The following TASP1 variants were observed in gnomAD, a reference collection of about 807,000 sequenced individuals.
TASP1 encodes the protein taspase 1, also known as threonine aspartase 1.
TASP1 carries 16 observed loss-of-function variants against 56.6 expected under a neutral mutation model. The ratio of observed to expected loss-of-function variants is 0.28; its 90% CI spans 0.19 to 0.43. TASP1 has a LOEUF of 0.43. Among genes scored for constraint, TASP1 ranks in the 20% least tolerant of loss-of-function variants. The pLI is 1.00. For missense variants in TASP1, 393 were observed against 511.6 expected, an observed-to-expected ratio of 0.77 and a Z score of 2.24; for synonymous variants, 179 against 184.2, an observed-to-expected ratio of 0.97 and a Z score of 0.23.
chr20:13,145,982 T>C, the TASP1 span, among the ~76,000 whole-genome samples: 1 of 152,232 alleles, frequency 6.6e-6, no homozygotes, highest in Non-Finnish European at 1.5e-5. Flanking sequence ...ATGCGAATGT[T>C]CCTTGCAGCA....
At chr20:13,479,394 T>C (rs2043053597) in intron 11 of TASP1, among the ~76,000 whole-genome samples, 3 of 152,076 alleles carry the variant, frequency 2.0e-5, no homozygotes, top group South Asian at 2.1e-4. Flanking sequence ...TCATTTCAAA[T>C]AGAAACTTGA....
At chr20:13,606,600 G>A (rs2048163771) in intron 4 of TASP1, among the ~76,000 whole-genome samples, 1 of 152,062 alleles carries the variant, frequency 6.6e-6, no homozygotes, top group African/African-American at 2.4e-5. Context: ...GAGGTCAGGA[G>A]ATCGAGACCA....
the TASP1 span, among the ~76,000 whole-genome samples, chr20:13,222,987 A>T: frequency 1.3e-5 from 2 of 151,980 alleles, no homozygotes; most frequent in African/African-American, 2.4e-5. Flanking sequence ...ACATGGTGAA[A>T]CCCCGTCTCT....
chr20:13,568,828 G>A (rs984335127), intron 7 of TASP1, among the ~76,000 whole-genome samples: 4 of 152,152 alleles, frequency 2.6e-5, no homozygotes, highest in East Asian at 1.9e-4. Context: ...TACTTACAAT[G>A]TACTATGATT....
chr20:13,183,379 T>A, the TASP1 span, among the ~76,000 whole-genome samples: 6 of 152,236 alleles, frequency 3.9e-5, no homozygotes, highest in Non-Finnish European at 4.4e-5. Flanking sequence ...TAAATGCTTG[T>A]TGCTTTAAGC....
At chr20:13,206,584 G>A in the TASP1 span, among the ~76,000 whole-genome samples, 1 of 152,080 alleles carries the variant, frequency 6.6e-6, no homozygotes, top group African/African-American at 2.4e-5. Context: ...AGGGAGGAAG[G>A]CCTGCACAAG....
At chr20:13,239,208 A>C in the TASP1 span, 1 of 152,228 alleles carries the variant, frequency 6.6e-6, no homozygotes, top group Non-Finnish European at 1.5e-5. Flanking sequence ...TCAGGAAAAA[A>C]TCTGTGGCAG....
intron 11 of TASP1, among the ~76,000 whole-genome samples, chr20:13,437,896 G>A (rs1374934590): frequency 6.6e-6 from 1 of 152,126 alleles, no homozygotes; most frequent in African/African-American, 2.4e-5. Flanking sequence ...CACGCTCATG[G>A]GTAGGAAGAA....
the TASP1 span, among the ~76,000 whole-genome samples, chr20:13,147,343 G>C: frequency 6.6e-6 from 1 of 152,182 alleles, no homozygotes; most frequent in African/African-American, 2.4e-5. Flanking sequence ...GTGCTAATGT[G>C]ATTCTTATGA....
the TASP1 span, among the ~76,000 whole-genome samples, chr20:13,109,816 A>G: frequency 6.6e-6 from 1 of 152,224 alleles, no homozygotes. Context: ...CATTTAACGT[A>G]GAATTTCAAT....
chr20:13,186,307 GA>G, the TASP1 span, among the ~76,000 whole-genome samples: 2 of 152,244 alleles, frequency 1.3e-5, no homozygotes, highest in Non-Finnish European at 1.5e-5. Context: ...TTCCCGGGGG[GA>G]AAAATGTTGC....
At chr20:13,117,048 T>C in the TASP1 span, among the ~76,000 whole-genome samples, 1 of 152,248 alleles carries the variant, frequency 6.6e-6, no homozygotes, top group African/African-American at 2.4e-5. Flanking sequence ...TGTGTCTTTT[T>C]AATTCCCTCT....
At chr20:13,297,806 C>T in the TASP1 span, among the ~76,000 whole-genome samples, 3 of 152,224 alleles carry the variant, frequency 2.0e-5, no homozygotes, top group Admixed American at 2.0e-4. Context: ...ATTTTTAATA[C>T]TGAAAGAACC....
chr20:13,253,617 G>A, the TASP1 span, among the ~76,000 whole-genome samples: 1 of 152,064 alleles, frequency 6.6e-6, no homozygotes, highest in Admixed American at 6.5e-5. Flanking sequence ...CTGCTGCTGG[G>A]CCCCACCCCA....
At chr20:13,160,748 G>A in the TASP1 span, among the ~76,000 whole-genome samples, 1 of 152,148 alleles carries the variant, frequency 6.6e-6, no homozygotes, top group Non-Finnish European at 1.5e-5. Flanking sequence ...GTGCAAACTT[G>A]GGGCAAAAAG....
chr20:13,222,879 C>T, the TASP1 span, among the ~76,000 whole-genome samples: 1 of 152,122 alleles, frequency 6.6e-6, no homozygotes, highest in Non-Finnish European at 1.5e-5. Flanking sequence ...AAAATCTGCT[C>T]AAACCAGGCG....
At chr20:13,505,903 AAGATC>A (rs1285039274) in intron 10 of TASP1, among the ~76,000 whole-genome samples, 3 of 152,122 alleles carry the variant, frequency 2.0e-5, no homozygotes, top group African/African-American at 7.2e-5. Context: ...GGAAATAACA[AAGATC>A]AGAGCAGAAA....
At chr20:13,304,680 G>A in the TASP1 span, among the ~76,000 whole-genome samples, 2 of 152,106 alleles carry the variant, frequency 1.3e-5, no homozygotes, top group Non-Finnish European at 2.9e-5. Context: ...GTGATCTTGG[G>A]GGAATCAGTA....
chr20:13,619,837 T>C (rs192387398), intron 4 of TASP1, among the ~76,000 whole-genome samples: 19 of 152,306 alleles, frequency 1.2e-4, no homozygotes, highest in Middle Eastern at 3.4e-3. Flanking sequence ...AAAAAAGCTA[T>C]ATGAAACAAC....
Sources: allele counts gnomAD v4.1 joint callset (sites outside exome capture counted in the v4.1 genomes callset), GRCh38; gene constraint gnomAD v4.1.1; transcripts MANE v1.5; gene names NCBI Gene and HGNC (gene_info 2026-07-23, HGNC 2026-07-21).